The following DLG4 variants were observed in gnomAD, a reference collection of about 807,000 sequenced individuals.
DLG4 encodes the protein discs large MAGUK scaffold protein 4, also known as disks large homolog 4.
In DLG4, 7 loss-of-function variants were observed where a neutral mutation model predicts 93.8. The ratio of observed to expected loss-of-function variants is 0.07; its 90% CI spans 0.04 to 0.14. The LOEUF is 0.14. Ranked by LOEUF, DLG4 falls within the 10% of genes least tolerant of loss-of-function variation. The pLI, the probability that DLG4 is intolerant of heterozygous loss-of-function variation, is 1.00. For synonymous variants in DLG4, 341 were observed against 387.6 expected, an observed-to-expected ratio of 0.88 and a Z score of 1.41; for missense variants, 545 against 992.9, an observed-to-expected ratio of 0.55 and a Z score of 6.06.
At chr17:7,197,182 G>T in intron 8 of DLG4, 130 bp from the exon 9 acceptor site, 1 of 841,468 alleles carries the variant, frequency 1.2e-6, no homozygotes, top group Non-Finnish European at 1.8e-6. Context: ...ATGCCAGGGT[G>T]GGGTGGTAAG....
At chr17:7,218,257 G>GAAGCCTCAT, upstream of DLG4, 1 of 1,609,990 alleles carries the variant, frequency 6.2e-7, no homozygotes, top group South Asian at 1.1e-5. Context: ...CTCTGAGAGG[G>GAAGCCTCAT]AAGCCTCATA....
chr17:7,190,961 C>CTTT, intron 19 of DLG4, 147 bp from the exon 20 acceptor site: 1 of 540,596 alleles, frequency 1.8e-6, no homozygotes, highest in Non-Finnish European at 3.1e-6. Context: ...ACAGGGGCAC[C>CTTT]TCTTTTTTTT....
At chr17:7,197,179 G>A in intron 8 of DLG4, 127 bp from the exon 9 acceptor site, 1 of 927,332 alleles carries the variant, frequency 1.1e-6, no homozygotes, top group Admixed American at 2.8e-5. Context: ...GAGATGCCAG[G>A]GTGGGGTGGT....
chr17:7,198,818 A>C (rs2069954239), intron 8 of DLG4, among the ~76,000 whole-genome samples: 1 of 150,052 alleles, frequency 6.7e-6, no homozygotes, highest in African/African-American at 2.5e-5. Context: ...ACTGCACTCC[A>C]GCCTGGGTGA....
rs2069760390 is a variant in DLG4, at chr17:7,196,012, T to C, written c.1301+208A>G. The stretch of plus-strand genomic sequence containing the variant: ...AGGGGCTAGAAGGCAATTGGGATAC[T>C]TGGGGCAGAGGCTATTTTCCCATCG... On this transcript the variant is annotated intron_variant, in intron 11 of 19. Coordinates refer to ENST00000399506, the MANE Select transcript of DLG4 (RefSeq NM_001321075.3). This position sits in a 1 kb window ranked among gnomAD's most constrained non-coding sequence, Gnocchi z 8.3. Among the ~76,000 whole-genome samples the C allele has an allele frequency of 6.6e-6, 1 of 152,182 alleles. No homozygotes were observed. Among genetic ancestry groups the C allele is most frequent in the African/African-American group, 2.4e-5 (1 of 41,450 alleles).
rs2142942476 is a variant in DLG4, at chr17:7,217,194, C to T, written c.-47G>A. 3.2e-6 allele frequency: 4 copies of T among 1,268,336 alleles called. No homozygotes were observed. The highest frequency in any genetic ancestry group is 6.7e-5 in the South Asian group (2 of 30,040). 78.6% of individuals were successfully genotyped at this position (1,268,336 alleles called of 1,614,324 possible). ...GGCGGGTAAGGGGCTCTGACTTCAT[C>T]GGAGTTTCGTTCCTCCCCTCCGTGG... is the stretch of plus-strand genomic sequence containing the variant. On this transcript the variant is annotated 5_prime_UTR_variant, in exon 1 of 20. Coordinates refer to ENST00000399506, the MANE Select transcript of DLG4 (RefSeq NM_001321075.3).
Position 7,208,027 on chromosome 17 carries a change from C to G in DLG4, c.96+147G>C, listed in dbSNP as rs571964094. The G allele has an allele frequency of 2.4e-6, 3 of 1,254,744 alleles. No individual in the cohort carries two copies. Among genetic ancestry groups the G allele is most frequent in the Non-Finnish European group, 3.0e-6 (3 of 992,354 alleles). 77.7% of individuals were successfully genotyped at this position (1,254,744 alleles called of 1,614,324 possible). On this transcript the variant is annotated intron_variant, in intron 2 of 19. Transcript: ENST00000399506. This position sits in a 1 kb window ranked among gnomAD's most constrained non-coding sequence, Gnocchi z 5.4. ...CGGCCCTTAGGGATTGCTGCAGCTC[C>G]GAGGCTCCGAGGGCCGCACTGGGGA...
In DLG4 at chr17:7,217,505, TA is replaced by T. The variant is rs1312650114; in HGVS notation, c.-359del. ...AACTGGATTTCGGGGAGCCCCGGGG[TA>T]GGGGGGGGTCTTGCCAAACGGCCAG... is the stretch of plus-strand genomic sequence containing the variant. On this transcript the variant is annotated 5_prime_UTR_variant, in exon 1 of 20. Coordinates refer to ENST00000399506, the MANE Select transcript of DLG4 (RefSeq NM_001321075.3). The T allele has an allele frequency of 4.7e-5, 5 of 105,308 alleles. No individual in the cohort carries two copies. The highest frequency in any genetic ancestry group is 7.9e-4 in the East Asian group (1 of 1,264). The allele number at this position is 105,308 out of a possible 1,614,324, so 6.5% of individuals were successfully genotyped here. A position where few individuals can be genotyped will look rare whatever the true frequency, so the allele number is the denominator to read the frequency against.
chr17:7,197,087 A>C (rs2069830875), intron 8 of DLG4, 35 bp from the exon 9 acceptor site: 1 of 1,556,482 alleles, frequency 6.4e-7, no homozygotes, highest in African/African-American at 1.4e-5. Context: ...AAGTGCCTGG[A>C]GGGAAACAGC....
chr17:7,193,164 C>G lies in DLG4; in HGVS notation c.1694-47G>C. On this transcript the variant is annotated intron_variant, in intron 16 of 19. Coordinates refer to ENST00000399506, the MANE Select transcript of DLG4 (RefSeq NM_001321075.3). This position sits in a 1 kb window ranked among gnomAD's most constrained non-coding sequence, Gnocchi z 6.7. ...CCCCAAAGATCTAACCACCATCCCT[C>G]TAGCTTAAATCCTGCCTACTTCAAT... 6.2e-7 allele frequency: 1 copy of G among 1,607,482 alleles called. No individual in the cohort carries two copies. Among genetic ancestry groups the G allele is most frequent in the Non-Finnish European group, 8.5e-7 (1 of 1,175,904 alleles).
intron 1 of DLG4, among the ~76,000 whole-genome samples, chr17:7,211,907 A>T (rs955600209): frequency 6.9e-6 from 1 of 145,706 alleles, no homozygotes; most frequent in African/African-American, 2.6e-5. Flanking sequence ...CCTCTTAGCC[A>T]CCAACTTCCC....
Position 7,208,432 on chromosome 17 carries a change from C to G in DLG4, c.31-193G>C, listed in dbSNP as rs939768787. Among the ~76,000 whole-genome samples, 2 of 152,010 alleles carry G rather than the reference C, an allele frequency of 1.3e-5. No homozygotes were observed. Among genetic ancestry groups the G allele is most frequent in the African/African-American group, 4.8e-5 (2 of 41,386 alleles). On this transcript the variant is annotated intron_variant, in intron 1 of 19. Coordinates refer to ENST00000399506, the MANE Select transcript of DLG4 (RefSeq NM_001321075.3). This position sits in a 1 kb window ranked among gnomAD's most constrained non-coding sequence, Gnocchi z 5.4. ...ACTCTCCCAACAGCCCCCTCTCCCG[C>G]CAGGGCCTCAGCACCTCTCATCAAT...
At chr17:7,206,512 C>T (rs1341897205) in intron 2 of DLG4, among the ~76,000 whole-genome samples, 1 of 152,104 alleles carries the variant, frequency 6.6e-6, no homozygotes, top group African/African-American at 2.4e-5. Flanking sequence ...CTAACTACCA[C>T]CCCTCAGGCT....
Position 7,191,777 on chromosome 17 carries a change from G to T in DLG4, c.1976+116C>A. 2 of 726,560 alleles carry T rather than the reference G, an allele frequency of 2.8e-6. No homozygotes were observed. Among genetic ancestry groups the T allele is most frequent in the Non-Finnish European group, 4.5e-6 (2 of 447,134 alleles). 45.0% of individuals were successfully genotyped at this position (726,560 alleles called of 1,614,324 possible). ...CTGGGTTCCAGGGATCCCCCTCAGG[G>T]GCTGCTGAAACCGCTGTCCAGGGTT... On this transcript the variant is annotated intron_variant, in intron 18 of 19. Transcript: ENST00000399506. The surrounding 1 kb of genome is among the most constrained non-coding windows in gnomAD (Gnocchi z 6.6).
chr17:7,213,240 G>A (rs1321593204), intron 1 of DLG4, among the ~76,000 whole-genome samples: 1 of 151,452 alleles, frequency 6.6e-6, no homozygotes, highest in Non-Finnish European at 1.5e-5. Context: ...TGGCATTACA[G>A]GCGCCCGCCA....
chr17:7,217,083 C>A, intron 1 of DLG4, 35 bp downstream of exon 1: 1 of 1,279,560 alleles, frequency 7.8e-7, no homozygotes, highest in Non-Finnish European at 9.9e-7. Context: ...AACTCATACC[C>A]TCCCCCCAGT....
rs534434766 is a variant in DLG4, at chr17:7,201,914, G to T, written c.787+989C>A. 3.3e-5 allele frequency among the ~76,000 whole-genome samples: 5 copies of T among 152,236 alleles called. No homozygotes were observed. In the East Asian group the frequency reaches 7.7e-4, roughly 24 times the overall value. The stretch of plus-strand genomic sequence containing the variant: ...AAATTAAAATTAAATTAAAAAATAA[G>T]TTAATGGACACACTGCTAAAATTGT... On this transcript the variant is annotated intron_variant, in intron 8 of 19. Transcript: ENST00000399506.
At chr17:7,212,462 C>T (rs559777745) in intron 1 of DLG4, among the ~76,000 whole-genome samples, 143 of 152,298 alleles carry the variant, frequency 9.4e-4, no homozygotes, top group Non-Finnish European at 1.6e-3. Flanking sequence ...CTAATATAAA[C>T]ATCCAAATAA....
rs768308324 is a variant in DLG4 at position 7,191,853 on chromosome 17, G to C, written c.1976+40C>G. ...CCTTGTGAGGCCCAGGGCCACAGGT[G>C]TTGGGGGAGCAAAGGGGAGGCCCCC... is the stretch of plus-strand genomic sequence containing the variant. On this transcript the variant is annotated intron_variant, in intron 18 of 19. Transcript: ENST00000399506. This position sits in a 1 kb window ranked among gnomAD's most constrained non-coding sequence, Gnocchi z 6.6. The C allele has an allele frequency of 1.5e-6, 2 of 1,362,266 alleles. No individual in the cohort carries two copies. The highest frequency in any genetic ancestry group is 5.2e-5 in the Admixed American group (2 of 38,202). 84.4% of individuals were successfully genotyped at this position (1,362,266 alleles called of 1,614,324 possible).
Sources: allele counts gnomAD v4.1 joint callset (sites outside exome capture counted in the v4.1 genomes callset), GRCh38; gene constraint gnomAD v4.1.1; non-coding constraint Gnocchi (gnomAD v3.1); transcripts MANE v1.5; gene names NCBI Gene and HGNC (gene_info 2026-07-23, HGNC 2026-07-21).